The following B3GALT1 variants were observed in gnomAD, a reference collection of about 807,000 sequenced individuals.
B3GALT1 encodes the protein beta-1,3-galactosyltransferase 1.
Under a neutral mutation model 23.2 loss-of-function variants are expected in B3GALT1, and 10 were observed. The ratio of observed to expected loss-of-function variants is 0.43; its 90% CI spans 0.27 to 0.73. The LOEUF (loss-of-function observed/expected upper bound fraction) is 0.73. Among genes scored for constraint, B3GALT1 ranks in the 30% least tolerant of loss-of-function variants. The probability of loss-of-function intolerance (pLI) is 0.21; values close to 1 mark genes in which losing one functional copy is unlikely to be tolerated. For missense variants in B3GALT1, 299 were observed against 405.4 expected (o/e 0.74, Z 2.25); for synonymous variants, 156 against 141.5 (o/e 1.10, Z -0.73).
In B3GALT1 at chr2:167,449,081, CTATTTTTT is replaced by C. The variant is rs1699048731; in HGVS notation, c.-510-41094_-510-41087del. 2.0e-5 allele frequency among the ~76,000 whole-genome samples: 3 copies of C among 152,048 alleles called. No homozygotes were observed. In the East Asian group the frequency reaches 5.8e-4, roughly 29 times the overall value. On this transcript the variant is annotated intron_variant, in intron 1 of 4. Coordinates refer to ENST00000392690, the MANE Select transcript of B3GALT1 (RefSeq NM_020981.4). ...CTTAGTCTTCCTTTGGTTCTGAGGGCTATTTTTTTGTTCCATATGAATTTTAGGATTTT... is the reference window on the plus strand; with the variant it reads ...CTTAGTCTTCCTTTGGTTCTGAGGGCTGTTCCATATGAATTTTAGGATTTT...
intron 3 of B3GALT1, among the ~76,000 whole-genome samples, chr2:167,765,468 C>T (rs1373523959): frequency 6.6e-6 from 1 of 152,156 alleles, no homozygotes; most frequent in Non-Finnish European, 1.5e-5. Flanking sequence ...GAGCAAATGA[C>T]ACATTGCTAG....
At chr2:167,663,326 T>G (rs1335625211) in intron 3 of B3GALT1, among the ~76,000 whole-genome samples, 3 of 152,072 alleles carry the variant, frequency 2.0e-5, no homozygotes, top group Non-Finnish European at 4.4e-5. Flanking sequence ...TTCCATGGTG[T>G]ATATGTGCCA....
intron 2 of B3GALT1, among the ~76,000 whole-genome samples, chr2:167,509,984 G>A (rs555306226): frequency 9.2e-5 from 14 of 152,294 alleles, no homozygotes; most frequent in African/African-American, 2.6e-4. Flanking sequence ...ACTGAGAAGC[G>A]AGAAAAGTAG....
chr2:167,717,974 A>G (rs909611386), intron 3 of B3GALT1, among the ~76,000 whole-genome samples: 7 of 152,212 alleles, frequency 4.6e-5, no homozygotes, highest in African/African-American at 1.2e-4. Context: ...AGGAATAATT[A>G]TATTTCTTCC....
chr2:167,671,304 C>CA (rs770031396), intron 3 of B3GALT1, among the ~76,000 whole-genome samples: 8 of 151,976 alleles, frequency 5.3e-5, no homozygotes, highest in Non-Finnish European at 1.2e-4. Context: ...CACTGTGGGC[C>CA]AAATGAACCT....
At chr2:167,533,613 T>C (rs764037072) in intron 2 of B3GALT1, among the ~76,000 whole-genome samples, 8 of 152,190 alleles carry the variant, frequency 5.3e-5, no homozygotes, top group Non-Finnish European at 1.0e-4. Flanking sequence ...TGTAGTTTTC[T>C]TATGACTGCT....
At chr2:167,865,373 A>G (rs1690191373) in intron 4 of B3GALT1, among the ~76,000 whole-genome samples, 3 of 152,196 alleles carry the variant, frequency 2.0e-5, no homozygotes, top group African/African-American at 4.8e-5. Context: ...GTCGCACTCC[A>G]GCCTGGGTGA....
At chr2:167,821,058 CCAAGAG>C (rs1159239458) in intron 4 of B3GALT1, among the ~76,000 whole-genome samples, 6 of 152,142 alleles carry the variant, frequency 3.9e-5, no homozygotes, top group African/African-American at 1.4e-4. Context: ...TAATGCCTTC[CCAAGAG>C]CTAAGAGCCT....
chr2:167,404,635 T>C (rs1698246211), intron 1 of B3GALT1, among the ~76,000 whole-genome samples: 1 of 152,188 alleles, frequency 6.6e-6, no homozygotes, highest in Non-Finnish European at 1.5e-5. Flanking sequence ...CCTCTTTTCA[T>C]AGTAAAATTG....
At chr2:167,371,911 T>C (rs1315030018) in intron 1 of B3GALT1, among the ~76,000 whole-genome samples, 1 of 151,862 alleles carries the variant, frequency 6.6e-6, no homozygotes, top group Non-Finnish European at 1.5e-5. Flanking sequence ...AGGGAGTTGA[T>C]CGTATAACTT....
intron 3 of B3GALT1, among the ~76,000 whole-genome samples, chr2:167,647,236 A>G (rs79554868): frequency 0.042 from 6,349 of 152,260 alleles, 453 homozygotes; most frequent in African/African-American, 0.15. Context: ...TGTATGCACA[A>G]ATTTTCCTGA....
At chr2:167,384,522 G>A (rs552984302) in intron 1 of B3GALT1, among the ~76,000 whole-genome samples, 18 of 152,190 alleles carry the variant, frequency 1.2e-4, no homozygotes, top group African/African-American at 4.1e-4. Flanking sequence ...TATATTCCCT[G>A]ATTTACTTGG....
chr2:167,558,357 C>G (rs983687455), intron 2 of B3GALT1: 1 of 152,694 alleles, frequency 6.5e-6, no homozygotes, highest in Non-Finnish European at 1.5e-5. Context: ...CAGCTCCGGT[C>G]TACAGCTCGC....
At chr2:167,563,278 G>A (rs1230702586) in intron 2 of B3GALT1, among the ~76,000 whole-genome samples, 4 of 144,128 alleles carry the variant, frequency 2.8e-5, no homozygotes, top group Admixed American at 6.7e-5. Flanking sequence ...CGGGCAGAGG[G>A]GCTCCTCACT....
chr2:167,822,572 C>T (rs79896222), intron 4 of B3GALT1, among the ~76,000 whole-genome samples: 3,332 of 152,304 alleles, frequency 0.022, 59 homozygotes, highest in Middle Eastern at 0.034. Flanking sequence ...ATTAAAATAA[C>T]ATTTACACTT....
At chr2:167,343,471 T>G (rs73972244) in intron 1 of B3GALT1, among the ~76,000 whole-genome samples, 2,590 of 152,266 alleles carry the variant, frequency 0.017, 83 homozygotes, top group African/African-American at 0.059. Context: ...ATGGACTCAT[T>G]TTAAGCAACT....
chr2:167,540,185 C>G (rs1280526816), intron 2 of B3GALT1, among the ~76,000 whole-genome samples: 1 of 152,268 alleles, frequency 6.6e-6, no homozygotes, highest in African/African-American at 2.4e-5. Flanking sequence ...AGAGAACCAG[C>G]TAGTCCAGGG....
chr2:167,848,466 C>T (rs1689807336), intron 4 of B3GALT1, among the ~76,000 whole-genome samples: 1 of 152,058 alleles, frequency 6.6e-6, no homozygotes, highest in Non-Finnish European at 1.5e-5. Context: ...TGTGATACAC[C>T]ACATGAACAG....
chr2:167,602,631 A>AT (rs1390914287), intron 2 of B3GALT1, among the ~76,000 whole-genome samples: 1 of 152,180 alleles, frequency 6.6e-6, no homozygotes, highest in Non-Finnish European at 1.5e-5. Context: ...TACTAGCCAC[A>AT]TTTTTTAAAG....
Sources: gnomAD v4.1 joint callset for allele counts (sites outside exome capture counted in the v4.1 genomes callset) on GRCh38, gnomAD v4.1.1 for gene constraint, MANE v1.5 for transcripts, NCBI Gene and HGNC (gene_info 2026-07-23, HGNC 2026-07-21) for gene names.